IFI16: variants seen among roughly 807,000 people sequenced by gnomAD.
IFI16 encodes gamma-interferon-inducible protein 16.
IFI16 carries 49 observed loss-of-function variants against 68.4 expected under a neutral mutation model. The ratio of observed to expected loss-of-function variants is 0.72; its 90% confidence interval spans 0.57 to 0.91. IFI16 has a LOEUF of 0.91. IFI16 is among the 40% of genes least tolerant of loss of function. The pLI is 0.00. For missense variants in IFI16, 878 were observed against 942.9 expected (o/e 0.93, Z 0.90); for synonymous variants, 307 against 315.0 (o/e 0.97, Z 0.27).
chr1:159,025,182 G>A (rs767683324), intron 6 of IFI16, among the ~76,000 whole-genome samples: 5 of 152,046 alleles, frequency 3.3e-5, no homozygotes, highest in Non-Finnish European at 5.9e-5. Flanking sequence ...GACGCCTCCC[G>A]CTCCATTCCT....
chr1:159,005,801 C>G (rs910165710), upstream of IFI16, among the ~76,000 whole-genome samples: 1 of 152,180 alleles, frequency 6.6e-6, no homozygotes, highest in Non-Finnish European at 1.5e-5. Context: ...AACATCCTCC[C>G]ACTCCTTAGC....
chr1:159,039,837 A>G (rs905581617), intron 7 of IFI16, among the ~76,000 whole-genome samples: 6 of 152,218 alleles, frequency 3.9e-5, no homozygotes, highest in African/African-American at 1.4e-4. Context: ...AGAAAATTAC[A>G]TAAACCCCAT....
At chr1:159,053,288 A>T (rs1397156641) in intron 10 of IFI16, 3 of 344,686 alleles carry the variant, frequency 8.7e-6, no homozygotes, top group Non-Finnish European at 1.0e-5. Flanking sequence ...TTAGGAAAGT[A>T]ATCAATTTTT....
chr1:159,000,847 C>G (rs543720175), intron 1 of IFI16, among the ~76,000 whole-genome samples: 27 of 152,232 alleles, frequency 1.8e-4, no homozygotes, highest in African/African-American at 6.5e-4. Flanking sequence ...TCAGTGCCAT[C>G]CCCTGGTTGA....
chr1:159,050,381 C>T (rs1352795070), intron 9 of IFI16, among the ~76,000 whole-genome samples: 2 of 152,232 alleles, frequency 1.3e-5, no homozygotes, highest in East Asian at 3.9e-4. Context: ...ATAATTATTT[C>T]CTTAGGTTCT....
At chr1:159,026,067 G>A (rs1292101154) in intron 6 of IFI16, among the ~76,000 whole-genome samples, 1 of 152,110 alleles carries the variant, frequency 6.6e-6, no homozygotes, top group Admixed American at 6.6e-5. Context: ...CTATTTTGGT[G>A]ACTATGGCCT....
At position 159,016,691 on chromosome 1, in the gene IFI16, T is replaced by C; in HGVS notation, c.540T>C (p.Ser180=). The C allele has an allele frequency of 2.5e-6, 4 of 1,613,268 alleles. No individual in the cohort carries two copies. The East Asian group carries it at 6.7e-5, about 27-fold the overall frequency. The change falls in exon 4 of 12, where the codon TCT becomes TCC. Residue 180 remains serine (S), a synonymous_variant. Coordinates refer to ENST00000295809, the MANE Select transcript of IFI16 (RefSeq NM_001376587.1). The part of the protein sequence containing the change: ...KTSLSAPPNS[S]STENPKTVAK... The stretch of plus-strand genomic sequence containing the variant: ...CATTGTCAGCTCCACCCAACAGTTC[T>C]TCAACTGAGGTACACTCTTCCTGGT...
intron 6 of IFI16, among the ~76,000 whole-genome samples, chr1:159,030,304 G>A (rs1653924681): frequency 6.6e-6 from 1 of 152,182 alleles, no homozygotes; most frequent in Admixed American, 6.5e-5. Flanking sequence ...GCAATTCAGA[G>A]ATTTCTTCTT....
chr1:159,018,015 CT>C (rs1410305184), intron 4 of IFI16, among the ~76,000 whole-genome samples: 1 of 152,206 alleles, frequency 6.6e-6, no homozygotes, highest in Non-Finnish European at 1.5e-5. Context: ...GAAAGGTCAT[CT>C]TTTCACTATA....
In IFI16 at chr1:159,055,118, G is replaced by GAAAAAAT. The variant is rs1355002325; in HGVS notation, c.*221_*227dup. 2.8e-6 allele frequency: 1 copy of GAAAAAAT among 363,180 alleles called. No individual in the cohort carries two copies. The highest frequency in any genetic ancestry group is 5.0e-6 in the Non-Finnish European group (1 of 199,536). 22.5% of individuals were successfully genotyped at this position (363,180 alleles called of 1,614,324 possible). A position where few individuals can be genotyped will look rare whatever the true frequency, so the allele number is the denominator to read the frequency against. ...TTTGCATCTACAACTTCTATAATTT[G>GAAAAAAT]AAAAAATAAATAAACATTATCTTTT... On this transcript the variant is annotated 3_prime_UTR_variant, in exon 12 of 12. Transcript: ENST00000295809.
chr1:159,014,698 G>T lies in IFI16; in HGVS notation c.18G>T (p.Lys6Asn). The T allele has an allele frequency of 6.3e-7, 1 of 1,599,554 alleles. No individual in the cohort carries two copies. Reference sequence around the variant, plus strand: ...CTGTAAAGATGGGAAAAAAATACAAGAACATTGTTCTACTAAAAGGATTAG... The same window carrying T: ...CTGTAAAGATGGGAAAAAAATACAATAACATTGTTCTACTAAAAGGATTAG... Reference protein sequence around the residue: MGKKYKNIVLLKGLEV... With the variant: MGKKYNNIVLLKGLEV... The change falls in exon 2 of 12, where the codon AAG becomes AAT. Residue 6 changes from lysine (K) to asparagine (N), a missense_variant. By Grantham distance (94) the Lys-to-Asn change is moderately conservative. Around this residue, in one of 4 missense-constraint regions of IFI16, gnomAD observed 65 missense variants for 96.9 expected, o/e 0.67. Coordinates refer to ENST00000295809, the MANE Select transcript of IFI16 (RefSeq NM_001376587.1).
At chr1:159,019,527 C>A (rs1018903949) in intron 5 of IFI16, among the ~76,000 whole-genome samples, 1 of 150,806 alleles carries the variant, frequency 6.6e-6, no homozygotes, top group African/African-American at 2.5e-5. Flanking sequence ...GGCGCGATCT[C>A]GGCTCACTGC....
intron 11 of IFI16, among the ~76,000 whole-genome samples, chr1:159,054,602 G>C (rs1196277487): frequency 6.6e-6 from 1 of 152,162 alleles, no homozygotes; most frequent in Non-Finnish European, 1.5e-5. Context: ...TGCTGAGTAG[G>C]AGTGAATATC....
At chr1:159,017,261 C>G (rs1031785964) in intron 4 of IFI16, among the ~76,000 whole-genome samples, 3 of 152,208 alleles carry the variant, frequency 2.0e-5, no homozygotes, top group Non-Finnish European at 4.4e-5. Flanking sequence ...GAATGACACT[C>G]TGTAGAGTTT....
upstream of IFI16, among the ~76,000 whole-genome samples, chr1:159,006,584 A>G (rs1404167143): frequency 6.6e-6 from 1 of 152,154 alleles, no homozygotes; most frequent in African/African-American, 2.4e-5. Context: ...AGGAGCCCTT[A>G]GTGTCTTGTA....
intron 6 of IFI16, among the ~76,000 whole-genome samples, chr1:159,030,200 C>T (rs534566095): frequency 4.6e-5 from 7 of 151,894 alleles, no homozygotes; most frequent in Non-Finnish European, 1.0e-4. Flanking sequence ...CATCCATATC[C>T]TGTAACATTT....
exon 1 of IFI16, chr1:159,000,265 G>T: frequency 3.9e-6 from 1 of 257,814 alleles, no homozygotes. Context: ...CATCGGTGAT[G>T]TTATCCAGGC....
rs199911779 is a variant in IFI16 at position 159,020,460 on chromosome 1, T to C, written c.1092T>C (p.Leu364=). ...IPCEEGDKLQ[L]FCFRLRKKNQ... Reference sequence around the variant, plus strand: ...GTGAAGAAGGAGATAAGCTCCAACTTTTCTGCTTTCGACTTAGAAAAAAGA... The same window carrying C: ...GTGAAGAAGGAGATAAGCTCCAACTCTTCTGCTTTCGACTTAGAAAAAAGA... Residue 364 remains leucine (L), a synonymous_variant, in exon 6 of 12, where the codon CTT becomes CTC. Transcript: ENST00000295809. 9 of 1,613,640 alleles carry C rather than the reference T, an allele frequency of 5.6e-6. No homozygotes were observed. The Admixed American group carries it at 1.5e-4, about 27-fold the overall frequency.
intron 10 of IFI16, chr1:159,052,368 G>T: frequency 2.3e-6 from 1 of 442,552 alleles, no homozygotes; most frequent in Non-Finnish European, 4.1e-6. Flanking sequence ...GATCTATTCA[G>T]AGCCACCCTT....
Sources: allele counts gnomAD v4.1 joint callset (sites outside exome capture counted in the v4.1 genomes callset), GRCh38; gene constraint gnomAD v4.1.1; regional missense constraint gnomAD v4.1.1; transcripts MANE v1.5; gene names NCBI Gene and HGNC (gene_info 2026-07-23, HGNC 2026-07-21).